The following CASP1 variants were observed in gnomAD, a reference collection of about 807,000 sequenced individuals.
CASP1 encodes caspase 1, also known as caspase-1.
In CASP1, 31 loss-of-function variants were observed where a neutral mutation model predicts 41.2. The observed-to-expected ratio is 0.75, with a 90% CI of 0.57 to 1.02. The LOEUF is 1.02. CASP1 is among the 50% of genes least tolerant of loss of function. The pLI is 0.00. For missense variants in CASP1, 490 were observed against 495.7 expected (o/e 0.99, Z 0.11); for synonymous variants, 163 against 166.5 (o/e 0.98, Z 0.16).
At chr11:105,027,104 G>C (rs565152191) in intron 7 of CASP1, 153 bp from the exon 8 acceptor site, 21 of 677,220 alleles carry the variant, frequency 3.1e-5, no homozygotes, top group Non-Finnish European at 4.8e-5. Flanking sequence ...GGGAGTGATT[G>C]GGATTTGGAA....
At chr11:105,035,319 T>C (rs1863958661), upstream of CASP1, 5 of 648,772 alleles carry the variant, frequency 7.7e-6, no homozygotes, top group Admixed American at 2.7e-5. Flanking sequence ...CTTGGATAGA[T>C]CAGGGTAGGA....
At chr11:105,027,859 T>A (rs1863418159) in intron 7 of CASP1, among the ~76,000 whole-genome samples, 1 of 152,078 alleles carries the variant, frequency 6.6e-6, no homozygotes, top group Admixed American at 6.6e-5. Context: ...GTGGTTGGGA[T>A]TGGCACAGCA....
At chr11:105,027,302 G>A (rs1484208562) in intron 7 of CASP1, 9 of 378,576 alleles carry the variant, frequency 2.4e-5, no homozygotes, top group African/African-American at 1.7e-4. Context: ...GTCTACATGG[G>A]GTAATTATAT....
rs761710665 is a variant in CASP1 at position 105,029,682 on chromosome 11, A to G, written c.845T>C (p.Ile282Thr). The G allele has an allele frequency of 3.1e-6, 5 of 1,613,056 alleles. No homozygotes were observed. The highest frequency in any genetic ancestry group is 3.3e-5 in the Admixed American group (2 of 59,910). ...GCACTCACCACCACGGCAGGCCTGG[A>G]TGATGATCACCTTCGGTTTGTCCTT... ...SLKDKPKVII[I>T]QACRGDSPGV... Residue 282 changes from isoleucine (I) to threonine (T), a missense_variant, in exon 6 of 9, where the codon ATC becomes ACC. Coordinates refer to ENST00000533400, the MANE Select transcript of CASP1 (RefSeq NM_001257118.3).
At chr11:105,034,717 T>A in intron 1 of CASP1, 1 of 660,644 alleles carries the variant, frequency 1.5e-6, no homozygotes, top group Non-Finnish European at 2.5e-6. Context: ...AAAGCAGAGA[T>A]CATCCTCTTA....
At chr11:105,027,531 T>C (rs1031134990) in intron 7 of CASP1, among the ~76,000 whole-genome samples, 4 of 152,060 alleles carry the variant, frequency 2.6e-5, no homozygotes, top group African/African-American at 4.8e-5. Context: ...ATTTATTACA[T>C]AGTAGACACA....
rs1565226463 is a variant in CASP1, at chr11:105,033,052, A to T, written c.337+12T>A. On this transcript the variant is annotated intron_variant, in intron 3 of 8. Transcript: ENST00000533400. ...GGGTCAAAGAATGCTCTTCCTTTAA[A>T]AACAGCATTACCTGGAAAGGAAGAA... The T allele has an allele frequency of 6.5e-7, 1 of 1,534,710 alleles. No homozygotes were observed.
chr11:105,030,424 C>G lies in CASP1; in HGVS notation c.533G>C (p.Arg178Thr). The G allele has an allele frequency of 6.2e-7, 1 of 1,613,616 alleles. No homozygotes were observed. The highest frequency in any genetic ancestry group is 8.5e-7 in the Non-Finnish European group (1 of 1,179,666). The change falls in exon 5 of 9, where the codon AGA becomes ACA. Residue 178 changes from arginine to threonine, a missense_variant. Arg to Thr is a moderately conservative substitution (Grantham distance 71). Transcript: ENST00000533400. The part of the protein sequence containing the change: ...ICNEEFDSIP[R>T]RTGAEVDITG... ...GATGTCAACCTCAGCTCCAGTTCTTCTAGGAATACTGTCAAATTCTTCATT... is the reference window on the plus strand; with the variant it reads ...GATGTCAACCTCAGCTCCAGTTCTTGTAGGAATACTGTCAAATTCTTCATT...
At chr11:105,031,711 T>C (rs2134844957) in intron 3 of CASP1, among the ~76,000 whole-genome samples, 1 of 152,330 alleles carries the variant, frequency 6.6e-6, no homozygotes, top group Middle Eastern at 3.4e-3. Context: ...TTAAAATACA[T>C]GTTTATCTTT....
chr11:105,033,192 T>C, intron 2 of CASP1, 66 bp from the exon 3 acceptor site: 4 of 858,946 alleles, frequency 4.7e-6, no homozygotes, highest in African/African-American at 1.7e-5. Context: ...CCCCAATCTG[T>C]AAAACACTCC....
rs1272376207 is a variant in CASP1, at chr11:105,025,534, T to C, written c.*724A>G. On this transcript the variant is annotated 3_prime_UTR_variant, in exon 9 of 9. Transcript: ENST00000533400. ...TTTCATTTTTCTACCAGATTTATTA[T>C]TTCAAAAAAGTTTATTATTCAGCAG... 5 of 425,880 alleles carry C rather than the reference T, an allele frequency of 1.2e-5. No homozygotes were observed. In the East Asian group the frequency reaches 2.9e-4, roughly 24 times the overall value. 26.4% of individuals were successfully genotyped at this position (425,880 alleles called of 1,614,324 possible). A position where few individuals can be genotyped will look rare whatever the true frequency, so the allele number is the denominator to read the frequency against.
chr11:105,031,171 C>T lies in CASP1; in HGVS notation c.447G>A (p.Ser149=), dbSNP rs763505053. 1.2e-5 allele frequency: 20 copies of T among 1,601,138 alleles called. No homozygotes were observed. Among genetic ancestry groups the T allele is most frequent in the East Asian group, 8.9e-5 (4 of 44,802 alleles). ...EEAQRIWKQK[S]AEIYPIMDKS... is the part of the protein sequence containing the mutation. ...TGGGTTCTGAGCATGGCACCTCTGCCGACTTTTGTTTCCATATCCTTTGAG... is the reference window on the plus strand; with the variant it reads ...TGGGTTCTGAGCATGGCACCTCTGCTGACTTTTGTTTCCATATCCTTTGAG... The change falls in exon 4 of 9, where the codon TCG becomes TCA. Residue 149 remains serine, a synonymous_variant. Coordinates refer to ENST00000533400, the MANE Select transcript of CASP1 (RefSeq NM_001257118.3).
chr11:105,026,319 T>G lies in CASP1; in HGVS notation c.1154A>C (p.Gln385Pro). Residue 385 changes from glutamine (Q) to proline (P), a missense_variant, in exon 9 of 9, where the codon CAG (glutamine) becomes CCG (proline). By Grantham distance (76) the Gln-to-Pro change is moderately conservative. Coordinates refer to ENST00000533400, the MANE Select transcript of CASP1 (RefSeq NM_001257118.3). ...AGTCACTCTTTCAGTGGTGGGCATCTGCGCTCTACCATCTGGCTGCTCAAA... is the reference window on the plus strand; with the variant it reads ...AGTCACTCTTTCAGTGGTGGGCATCGGCGCTCTACCATCTGGCTGCTCAAA... ...FSFEQPDGRAQMPTTERVTLT... is the reference protein window; with the variant it reads ...FSFEQPDGRAPMPTTERVTLT... 1 of 1,612,120 alleles carries G rather than the reference T, an allele frequency of 6.2e-7. No homozygotes were observed.
rs189647865 is a variant in CASP1, at chr11:105,032,612, G to T, written c.337+452C>A. Among the ~76,000 whole-genome samples, 84 of 152,254 alleles carry T rather than the reference G, an allele frequency of 5.5e-4. 1 individual carries two copies. In the East Asian group the frequency reaches 0.016, roughly 29 times the overall value. ...AAAGCCTGCATAAAACTTGGCCATG[G>T]GTTGAATGTTAGAGGTGCATGAGAA... is the stretch of plus-strand genomic sequence containing the variant. On this transcript the variant is annotated intron_variant, in intron 3 of 8. Transcript: ENST00000533400.
chr11:105,033,243 C>T (rs1863804838), intron 2 of CASP1, 117 bp from the exon 3 acceptor site: 2 of 600,596 alleles, frequency 3.3e-6, no homozygotes, highest in Middle Eastern at 8.8e-4. Flanking sequence ...GACTGACTGA[C>T]ATTAAATAAT....
chr11:105,030,591 G>C (rs969874443), intron 4 of CASP1, 88 bp from the exon 5 acceptor site: 20 of 1,135,910 alleles, frequency 1.8e-5, no homozygotes, highest in African/African-American at 3.1e-5. Flanking sequence ...CCCTTCCTTA[G>C]TCCTATCAAG....
intron 5 of CASP1, 152 bp from the exon 6 acceptor site, chr11:105,030,051 G>A (rs1342753111): frequency 1.5e-6 from 1 of 678,538 alleles, no homozygotes; most frequent in Non-Finnish European, 2.5e-6. Flanking sequence ...TTTCAAGAAA[G>A]GTGAAGGAAA....
At chr11:105,027,274 C>T in intron 7 of CASP1, 1 of 546,306 alleles carries the variant, frequency 1.8e-6, no homozygotes, top group East Asian at 3.0e-5. Flanking sequence ...TGAGATAACC[C>T]AGGATATGCA....
Position 105,034,366 on chromosome 11 carries a change from T to G in CASP1, c.116A>C (p.Glu39Ala), listed in dbSNP as rs201044584. 13 of 1,614,178 alleles carry G rather than the reference T, an allele frequency of 8.1e-6. No individual in the cohort carries two copies. In the African/African-American group the frequency reaches 1.1e-4, roughly 13 times the overall value. ...LLQTRVLNKE[E>A]MEKVKRENAT... is the part of the protein sequence containing the mutation. ...ATTTTCACGTTTTACTTTCTCCATC[T>G]CTTCCTTGTTCAGCACCCTTGTCTG... The change falls in exon 2 of 9, where the codon GAG becomes GCG. Residue 39 changes from glutamate (E) to alanine (A), a missense_variant. Glu to Ala is a moderately radical substitution (Grantham distance 107, BLOSUM62 -1). Coordinates refer to ENST00000533400, the MANE Select transcript of CASP1 (RefSeq NM_001257118.3).
Sources: gnomAD v4.1 joint callset for allele counts (sites outside exome capture counted in the v4.1 genomes callset) on GRCh38, gnomAD v4.1.1 for gene constraint, MANE v1.5 for transcripts, NCBI Gene and HGNC (gene_info 2026-07-23, HGNC 2026-07-21) for gene names.